The following RNF24 variants were observed in gnomAD, a reference collection of about 807,000 sequenced individuals.
RNF24 encodes the protein ring finger protein 24.
A neutral mutation model predicts 20.0 loss-of-function variants in RNF24; 14 were observed. The ratio of observed to expected loss-of-function variants is 0.70; its 90% CI spans 0.46 to 1.10. The LOEUF is 1.10. Among genes scored for constraint, RNF24 ranks in the 50% least tolerant of loss-of-function variants. RNF24 has a pLI of 0.00. For missense variants in RNF24, 124 were observed against 177.6 expected (o/e 0.70, Z 1.71); for synonymous variants, 45 against 61.1 (o/e 0.74, Z 1.23).
At chr20:3,977,246 G>C (rs985085253) in intron 1 of RNF24, among the ~76,000 whole-genome samples, 1 of 152,158 alleles carries the variant, frequency 6.6e-6, no homozygotes, top group Non-Finnish European at 1.5e-5. Flanking sequence ...AGCAAAGCAT[G>C]GAAGATGGAA....
rs749282749 is a variant in RNF24 at position 3,934,023 on chromosome 20, C to T, written c.*40G>A. On this transcript the variant is annotated 3_prime_UTR_variant, in exon 6 of 6. Transcript: ENST00000358395. The surrounding 1 kb of genome is among the most constrained non-coding windows in gnomAD (Gnocchi z 4.0). ...CACATGTGTTCCTCCTGGCTCCACA[C>T]AGACGTCGTGTCCAGCAACAGTCTG... 2 of 1,420,630 alleles carry T rather than the reference C, an allele frequency of 1.4e-6. No homozygotes were observed. Among genetic ancestry groups the T allele is most frequent in the Non-Finnish European group, 1.8e-6 (2 of 1,082,076 alleles). 88.0% of individuals were successfully genotyped at this position (1,420,630 alleles called of 1,614,324 possible).
intron 2 of RNF24, among the ~76,000 whole-genome samples, chr20:3,960,153 G>A (rs2091185829): frequency 6.6e-6 from 1 of 152,106 alleles, no homozygotes; most frequent in Non-Finnish European, 1.5e-5. Context: ...GAGTCCAGTG[G>A]TGGTGACTGG....
At position 3,932,721 on chromosome 20, in the gene RNF24, C is replaced by T. The variant is rs981241422; in HGVS notation, c.*1342G>A. On this transcript the variant is annotated 3_prime_UTR_variant, in exon 6 of 6. Transcript: ENST00000358395. ...GCAGTTGACGAGGAATTGAGGCAGG[C>T]GCTCCTAAGATGGAGGGAGGCGGAG... is the stretch of plus-strand genomic sequence containing the variant. The T allele has an allele frequency of 3.1e-5, 12 of 393,214 alleles. No homozygotes were observed. In the South Asian group the frequency reaches 4.3e-4, roughly 14 times the overall value. The allele number at this position is 393,214 out of a possible 1,614,324, so 24.4% of individuals were successfully genotyped here.
At chr20:3,986,957 G>A (rs1238177878) in intron 1 of RNF24, among the ~76,000 whole-genome samples, 4 of 151,980 alleles carry the variant, frequency 2.6e-5, no homozygotes. Context: ...ACCCAAGCTG[G>A]ATTGCAGTAG....
At chr20:3,966,292 T>C (rs1429891040) in intron 1 of RNF24, among the ~76,000 whole-genome samples, 1 of 152,152 alleles carries the variant, frequency 6.6e-6, no homozygotes, top group Admixed American at 6.5e-5. Context: ...AGGATGTCAC[T>C]AGCTAAATGT....
rs2090849719 is a variant in RNF24, at chr20:3,933,425, C to T, written c.*638G>A. On this transcript the variant is annotated 3_prime_UTR_variant, in exon 6 of 6. Coordinates refer to ENST00000358395, the MANE Select transcript of RNF24 (RefSeq NM_001134337.3). The stretch of plus-strand genomic sequence containing the variant: ...AGAGGGAAATGATAAGAGGAAATGG[C>T]TTCTGACTAGGCCTTTCCAAGCGCA... 2.7e-6 allele frequency: 1 copy of T among 376,900 alleles called. No individual in the cohort carries two copies. The allele number at this position is 376,900 out of a possible 1,614,324, so 23.3% of individuals were successfully genotyped here. A position where few individuals can be genotyped will look rare whatever the true frequency, so the allele number is the denominator to read the frequency against.
intron 1 of RNF24, among the ~76,000 whole-genome samples, chr20:3,975,430 T>G (rs1978786508): frequency 6.6e-6 from 1 of 152,142 alleles, no homozygotes; most frequent in African/African-American, 2.4e-5. Context: ...GAAATGTTTT[T>G]TTTGCTTTGA....
rs76466197 is a variant in RNF24, at chr20:3,985,699, A to ATTTT, written c.-7-21679_-7-21676dup. 1.3e-3 allele frequency among the ~76,000 whole-genome samples: 171 copies of ATTTT among 131,230 alleles called. 3 individuals are homozygous for ATTTT. Among genetic ancestry groups the ATTTT allele is most frequent in the African/African-American group, 4.7e-3 (167 of 35,634 alleles). 86.1% of individuals were successfully genotyped at this position (131,230 alleles called of 152,430 possible). On this transcript the variant is annotated intron_variant, in intron 1 of 5. Coordinates refer to ENST00000358395, the MANE Select transcript of RNF24 (RefSeq NM_001134337.3). ...TTTTTACTCTGCCATATTCCTAGTA[A>ATTTT]TTTTTTTTTTTTTTTTTTTGGTGAG...
At chr20:3,974,461 T>C in intron 1 of RNF24, 4 of 1,407,900 alleles carry the variant, frequency 2.8e-6, no homozygotes, top group Non-Finnish European at 3.7e-6. Flanking sequence ...AAGGAAGAAA[T>C]TAAACTGAGC....
chr20:3,966,879 T>C (rs189626573), intron 1 of RNF24, among the ~76,000 whole-genome samples: 2 of 152,326 alleles, frequency 1.3e-5, no homozygotes, highest in East Asian at 3.9e-4. Context: ...TCTGCCTTAG[T>C]GCTGCTGGGG....
At chr20:3,942,223 C>T (rs1568617159) in intron 4 of RNF24, among the ~76,000 whole-genome samples, 1 of 150,000 alleles carries the variant, frequency 6.7e-6, no homozygotes, top group Non-Finnish European at 1.5e-5. Context: ...GGCTGGAGTA[C>T]AGTGGCACAA....
At chr20:3,994,331 A>ACTGT (rs1175245427) in intron 1 of RNF24, among the ~76,000 whole-genome samples, 1 of 152,198 alleles carries the variant, frequency 6.6e-6, no homozygotes, top group African/African-American at 2.4e-5. Flanking sequence ...TGTATTTGTG[A>ACTGT]CACCTGTCCA....
intron 1 of RNF24, among the ~76,000 whole-genome samples, chr20:4,014,108 A>G (rs1982681327): frequency 6.6e-6 from 1 of 152,228 alleles, no homozygotes; most frequent in Non-Finnish European, 1.5e-5. Context: ...AGATGAGGAC[A>G]ATGAAAAAAG....
intron 1 of RNF24, among the ~76,000 whole-genome samples, chr20:3,982,336 G>A (rs1359410080): frequency 6.6e-6 from 1 of 151,910 alleles, no homozygotes. Flanking sequence ...CCAGCACTTT[G>A]GGAGGCCGAG....
chr20:4,007,481 TA>T (rs1332487681), intron 1 of RNF24, among the ~76,000 whole-genome samples: 1 of 152,148 alleles, frequency 6.6e-6, no homozygotes, highest in Non-Finnish European at 1.5e-5. Flanking sequence ...TGGGTGTTTT[TA>T]AAGCTCCATT....
At chr20:3,967,189 G>C (rs1451557573) in intron 1 of RNF24, among the ~76,000 whole-genome samples, 2 of 152,124 alleles carry the variant, frequency 1.3e-5, no homozygotes, top group Non-Finnish European at 2.9e-5. Context: ...AAAATAAATT[G>C]ATAAAAGGCT....
intron 1 of RNF24, among the ~76,000 whole-genome samples, chr20:3,979,875 A>G (rs1979237779): frequency 6.6e-6 from 1 of 152,204 alleles, no homozygotes; most frequent in Non-Finnish European, 1.5e-5. Flanking sequence ...CGTATTATCA[A>G]TCTAAAAAAG....
chr20:3,948,745 A>G (rs925288189), intron 2 of RNF24, among the ~76,000 whole-genome samples: 2 of 152,158 alleles, frequency 1.3e-5, no homozygotes, highest in Non-Finnish European at 2.9e-5. Context: ...AGGTAGCACT[A>G]TCCTGATTTC....
intron 1 of RNF24, among the ~76,000 whole-genome samples, chr20:4,009,228 A>T (rs1195429566): frequency 6.6e-6 from 1 of 152,180 alleles, no homozygotes. Context: ...AAGGCACGTA[A>T]ACTTCTCTTT....
Sources: allele counts gnomAD v4.1 joint callset (sites outside exome capture counted in the v4.1 genomes callset), GRCh38; gene constraint gnomAD v4.1.1; non-coding constraint Gnocchi (gnomAD v3.1); transcripts MANE v1.5; gene names NCBI Gene and HGNC (gene_info 2026-07-23, HGNC 2026-07-21).